HMGA2: variants seen among roughly 807,000 people sequenced by gnomAD.
HMGA2 encodes high mobility group protein HMGI-C.
HMGA2 carries 8 observed loss-of-function variants against 19.1 expected under a neutral mutation model. The ratio of observed to expected loss-of-function variants is 0.42; its 90% CI spans 0.25 to 0.76. The LOEUF (loss-of-function observed/expected upper bound fraction) is 0.76, where lower values mean the gene tolerates loss of function less well. HMGA2 is among the 30% of genes least tolerant of loss of function. HMGA2 has a pLI of 0.28. For synonymous variants in HMGA2, 60 were observed against 48.8 expected (o/e 1.23, Z -0.96); for missense variants, 109 against 136.3 (o/e 0.80, Z 1.00).
At chr12:65,854,868 A>G (rs1303826425) in intron 3 of HMGA2, among the ~76,000 whole-genome samples, 2 of 152,170 alleles carry the variant, frequency 1.3e-5, no homozygotes, top group Non-Finnish European at 2.9e-5. Context: ...ATTCTGGCCC[A>G]TGGTTCCTGT....
At chr12:65,927,375 T>C (rs1336076481) in intron 3 of HMGA2, among the ~76,000 whole-genome samples, 1 of 152,240 alleles carries the variant, frequency 6.6e-6, no homozygotes, top group Non-Finnish European at 1.5e-5. Flanking sequence ...TAACAAAGGC[T>C]ACGTGTGCCT....
At chr12:65,941,464 C>G (rs1030123305) in intron 3 of HMGA2, among the ~76,000 whole-genome samples, 2 of 152,116 alleles carry the variant, frequency 1.3e-5, no homozygotes, top group African/African-American at 4.8e-5. Context: ...GAATATTAAG[C>G]TTCCTCCAAG....
intron 3 of HMGA2, among the ~76,000 whole-genome samples, chr12:65,870,656 G>A (rs1872665601): frequency 6.6e-6 from 1 of 152,208 alleles, no homozygotes; most frequent in Non-Finnish European, 1.5e-5. Flanking sequence ...TTGAACCCAC[G>A]AGGTTGAGGT....
intron 3 of HMGA2, among the ~76,000 whole-genome samples, chr12:65,899,015 G>A (rs1057015606): frequency 4.7e-5 from 6 of 127,402 alleles, no homozygotes; most frequent in African/African-American, 1.9e-4. Context: ...CGGCACTCCA[G>A]CCTGGGCAAC....
chr12:65,931,771 G>C (rs1271050421), intron 3 of HMGA2, among the ~76,000 whole-genome samples: 1 of 152,104 alleles, frequency 6.6e-6, no homozygotes, highest in Non-Finnish European at 1.5e-5. Flanking sequence ...CCAAACCCAA[G>C]AAATGAAGGT....
intron 3 of HMGA2, chr12:65,856,625 C>T (rs1309705866): frequency 6.6e-6 from 1 of 152,374 alleles, no homozygotes; most frequent in African/African-American, 2.4e-5. Flanking sequence ...TTTACCACAA[C>T]AGAAATTTGC....
intron 3 of HMGA2, among the ~76,000 whole-genome samples, chr12:65,862,231 C>T (rs1306741182): frequency 2.0e-5 from 3 of 151,672 alleles, no homozygotes; most frequent in Non-Finnish European, 4.4e-5. Context: ...ATTGGATATA[C>T]TTACCTTTTT....
intron 2 of HMGA2, among the ~76,000 whole-genome samples, chr12:65,833,588 T>C (rs1459676787): frequency 6.6e-6 from 1 of 152,202 alleles, no homozygotes; most frequent in Non-Finnish European, 1.5e-5. Context: ...CCTCTGCTCT[T>C]GTCCATGTGT....
chr12:65,938,043 G>C (rs1875955820), intron 3 of HMGA2, among the ~76,000 whole-genome samples: 1 of 152,130 alleles, frequency 6.6e-6, no homozygotes. Context: ...TTGCAAAGCA[G>C]GTCTGGCCTG....
At chr12:65,829,012 A>C (rs1349715953) in intron 2 of HMGA2, 1 of 152,188 alleles carries the variant, frequency 6.6e-6, no homozygotes, top group Non-Finnish European at 1.5e-5. Flanking sequence ...GTAGTAATTG[A>C]GAACAAAGTT....
intron 3 of HMGA2, among the ~76,000 whole-genome samples, chr12:65,948,262 T>A (rs914662897): frequency 9.9e-5 from 15 of 152,172 alleles, no homozygotes; most frequent in Non-Finnish European, 4.4e-5. Context: ...GCATGAAAAT[T>A]TACTGTTAAC....
rs1870157876 is a variant in HMGA2 at position 65,825,991 on chromosome 12, G to A, written c.111+610G>A. 6.6e-6 allele frequency: 1 copy of A among 152,298 alleles called. No individual in the cohort carries two copies. The highest frequency in any genetic ancestry group is 1.5e-5 in the Non-Finnish European group (1 of 68,094). The allele number at this position is 152,298 out of a possible 1,614,324, so 9.4% of individuals were successfully genotyped here. ...AGACCCGGCTGCCTGGTCCTTTTTG[G>A]GCTCTTTAAATATGCGGCGGCCGCC... On this transcript the variant is annotated intron_variant, in intron 1 of 4. Coordinates refer to ENST00000403681, the MANE Select transcript of HMGA2 (RefSeq NM_003483.6). The surrounding 1 kb of genome is among the most constrained non-coding windows in gnomAD (Gnocchi z 4.4).
chr12:65,943,066 T>C (rs2121295245), intron 3 of HMGA2, among the ~76,000 whole-genome samples: 1 of 152,290 alleles, frequency 6.6e-6, no homozygotes, highest in Non-Finnish European at 1.5e-5. Flanking sequence ...GAAAACATTG[T>C]AGGAAAAAAA....
At chr12:65,891,819 A>T (rs959496488) in intron 3 of HMGA2, among the ~76,000 whole-genome samples, 1 of 152,204 alleles carries the variant, frequency 6.6e-6, no homozygotes, top group Non-Finnish European at 1.5e-5. Flanking sequence ...AGTATTAATG[A>T]TCATTTCTCA....
chr12:65,910,600 C>T (rs1874802346), intron 3 of HMGA2, among the ~76,000 whole-genome samples: 1 of 152,140 alleles, frequency 6.6e-6, no homozygotes, highest in Admixed American at 6.5e-5. Flanking sequence ...CTCCTGCATG[C>T]ATTTCTCTCT....
chr12:65,828,063 G>A lies in HMGA2; in HGVS notation c.174G>A (p.Lys58=). 1.9e-6 allele frequency: 3 copies of A among 1,613,590 alleles called. No individual in the cohort carries two copies. Among genetic ancestry groups the A allele is most frequent in the African/African-American group, 2.7e-5 (2 of 74,964 alleles). ...PRGRPKGSKN[K]SPSKAAQKKA... ...GAAGACCCAAAGGCAGCAAAAACAA[G>A]AGTCCCTCTAAAGCAGCTCAAAAGG... The change falls in exon 2 of 5, where the codon AAG becomes AAA. Residue 58 remains lysine (K), a synonymous_variant. Coordinates refer to ENST00000403681, the MANE Select transcript of HMGA2 (RefSeq NM_003483.6).
intron 3 of HMGA2, among the ~76,000 whole-genome samples, chr12:65,902,959 A>G (rs1186922503): frequency 6.6e-6 from 1 of 152,208 alleles, no homozygotes; most frequent in African/African-American, 2.4e-5. Flanking sequence ...TAAACCAAGT[A>G]GTAGTATTAG....
chr12:65,858,886 A>T (rs1285488889), intron 3 of HMGA2: 2 of 152,240 alleles, frequency 1.3e-5, no homozygotes, highest in Non-Finnish European at 2.9e-5. Context: ...GTAGATTGCT[A>T]ACAAGGTTTT....
chr12:65,931,222 G>A (rs986657135), intron 3 of HMGA2, among the ~76,000 whole-genome samples: 1 of 151,974 alleles, frequency 6.6e-6, no homozygotes, highest in Non-Finnish European at 1.5e-5. Context: ...TTCATGAAAG[G>A]GACTCAAGTC....
Sources: gnomAD v4.1 joint callset for allele counts (sites outside exome capture counted in the v4.1 genomes callset) on GRCh38, gnomAD v4.1.1 for gene constraint, Gnocchi (gnomAD v3.1) non-coding constraint, MANE v1.5 for transcripts, NCBI Gene and HGNC (gene_info 2026-07-23, HGNC 2026-07-21) for gene names.